EPHA5: variants seen among roughly 807,000 people sequenced by gnomAD.
EPHA5 encodes EPH receptor A5, also known as ephrin type-A receptor 5.
In EPHA5, 60 loss-of-function variants were observed where a neutral mutation model predicts 105.0. The observed-to-expected ratio is 0.57, with a 90% CI of 0.46 to 0.71. The LOEUF (loss-of-function observed/expected upper bound fraction) is 0.71. EPHA5 is among the 30% of genes least tolerant of loss of function. EPHA5 has a pLI of 0.00. For synonymous variants in EPHA5, 513 were observed against 449.1 expected, an observed-to-expected ratio of 1.14 and a Z score of -1.80; for missense variants, 1,218 against 1,274.7, an observed-to-expected ratio of 0.96 and a Z score of 0.68.
chr4:65,539,061 C>G (rs923391702), intron 3 of EPHA5, among the ~76,000 whole-genome samples: 1 of 151,642 alleles, frequency 6.6e-6, no homozygotes, highest in Non-Finnish European at 1.5e-5. Flanking sequence ...AGAGAGCAGC[C>G]TGCACCCTAT....
At chr4:65,503,235 T>G (rs1732669242) in intron 3 of EPHA5, among the ~76,000 whole-genome samples, 1 of 151,822 alleles carries the variant, frequency 6.6e-6, no homozygotes, top group Non-Finnish European at 1.5e-5. Context: ...TATATCCGTG[T>G]ACCAACAAAC....
chr4:65,476,796 T>G (rs1729864616), intron 5 of EPHA5, among the ~76,000 whole-genome samples: 1 of 152,114 alleles, frequency 6.6e-6, no homozygotes, highest in African/African-American at 2.4e-5. Flanking sequence ...CAGGTAACCT[T>G]AAGCTATAAT....
intron 2 of EPHA5, among the ~76,000 whole-genome samples, chr4:65,608,470 C>A (rs569033317): frequency 6.6e-6 from 1 of 151,734 alleles, no homozygotes; most frequent in Non-Finnish European, 1.5e-5. Flanking sequence ...CGCCACTGCA[C>A]CCCAGCTTGG....
chr4:65,500,495 A>T (rs1171458697), intron 3 of EPHA5, among the ~76,000 whole-genome samples: 1 of 151,178 alleles, frequency 6.6e-6, no homozygotes. Context: ...ACCTATTTAG[A>T]AATTTGCTGT....
At chr4:65,393,882 A>G (rs1328398058) in intron 8 of EPHA5, among the ~76,000 whole-genome samples, 2 of 152,052 alleles carry the variant, frequency 1.3e-5, no homozygotes, top group African/African-American at 4.8e-5. Context: ...CTCCAGCTGC[A>G]CTCCTCCAGT....
At chr4:65,565,202 G>A (rs757014755) in intron 3 of EPHA5, among the ~76,000 whole-genome samples, 13 of 151,596 alleles carry the variant, frequency 8.6e-5, no homozygotes, top group Non-Finnish European at 1.9e-4. Flanking sequence ...CAGGAAATAA[G>A]ATTCAAGGCC....
intron 3 of EPHA5, among the ~76,000 whole-genome samples, chr4:65,601,373 T>C (rs1743708615): frequency 1.3e-5 from 2 of 152,176 alleles, no homozygotes; most frequent in Admixed American, 1.3e-4. Context: ...AAATAAAATT[T>C]CTAAAAGCAA....
chr4:65,634,884 G>T (rs191370278), intron 2 of EPHA5, among the ~76,000 whole-genome samples: 13 of 151,990 alleles, frequency 8.6e-5, no homozygotes, highest in African/African-American at 2.7e-4. Context: ...AACTCACTGT[G>T]ATCCTCAACA....
chr4:65,368,435 C>G (rs1045063707), intron 8 of EPHA5, among the ~76,000 whole-genome samples: 4 of 152,100 alleles, frequency 2.6e-5, no homozygotes, highest in African/African-American at 7.2e-5. Flanking sequence ...GTTAATAACT[C>G]CAGTATGGCC....
intron 16 of EPHA5, among the ~76,000 whole-genome samples, chr4:65,325,469 C>CA (rs140418969): frequency 0.085 from 12,461 of 146,860 alleles, 584 homozygotes; most frequent in Middle Eastern, 0.14. Flanking sequence ...GCTACCCCCC[C>CA]AAAAAAATGC....
At chr4:65,523,848 T>C (rs1183986154) in intron 3 of EPHA5, among the ~76,000 whole-genome samples, 4 of 151,872 alleles carry the variant, frequency 2.6e-5, no homozygotes, top group African/African-American at 9.7e-5. Context: ...GATTTCTTCT[T>C]CCAACTTAGA....
chr4:65,413,820 C>G (rs975678129), intron 7 of EPHA5, among the ~76,000 whole-genome samples: 1 of 152,086 alleles, frequency 6.6e-6, no homozygotes, highest in African/African-American at 2.4e-5. Context: ...CACTTAAAGA[C>G]AGTGCCAGAG....
intron 3 of EPHA5, among the ~76,000 whole-genome samples, chr4:65,589,846 G>A (rs991232017): frequency 2.0e-5 from 3 of 152,026 alleles, no homozygotes; most frequent in African/African-American, 7.2e-5. Flanking sequence ...GAAGGCTAAG[G>A]GAAACATGGA....
intron 3 of EPHA5, among the ~76,000 whole-genome samples, chr4:65,546,739 G>A (rs998389638): frequency 1.3e-5 from 2 of 151,896 alleles, no homozygotes; most frequent in African/African-American, 2.4e-5. Context: ...CAATGTCTGC[G>A]AACTTCAAGA....
At chr4:65,348,761 G>C (rs1182025459) in intron 13 of EPHA5, among the ~76,000 whole-genome samples, 1 of 119,912 alleles carries the variant, frequency 8.3e-6, no homozygotes, top group Non-Finnish European at 1.7e-5. Flanking sequence ...ATATATATGT[G>C]TATATATATG....
chr4:65,357,956 C>G (rs1256935255), intron 11 of EPHA5, among the ~76,000 whole-genome samples: 1 of 151,344 alleles, frequency 6.6e-6, no homozygotes, highest in Non-Finnish European at 1.5e-5. Flanking sequence ...CAATCCTTTG[C>G]CATAAGACAT....
At chr4:65,602,494 TA>T (rs1743836576) in intron 2 of EPHA5, among the ~76,000 whole-genome samples, 190 bp from the exon 3 acceptor site, 1 of 152,138 alleles carries the variant, frequency 6.6e-6, no homozygotes, top group South Asian at 2.1e-4. Flanking sequence ...TTGTAATTTT[TA>T]AATTAAAAGT....
chr4:65,519,270 C>T (rs1182135813), intron 3 of EPHA5, among the ~76,000 whole-genome samples: 1 of 152,038 alleles, frequency 6.6e-6, no homozygotes, highest in Non-Finnish European at 1.5e-5. Context: ...GAACCAAAGA[C>T]AAAAACCACA....
intron 5 of EPHA5, among the ~76,000 whole-genome samples, chr4:65,431,087 C>T (rs79362375): frequency 6.6e-6 from 1 of 152,112 alleles, no homozygotes; most frequent in Admixed American, 6.5e-5. Context: ...ACTCCTATAC[C>T]GATGCAACTT....
Sources: allele counts gnomAD v4.1 joint callset (sites outside exome capture counted in the v4.1 genomes callset), GRCh38; gene constraint gnomAD v4.1.1; transcripts MANE v1.5; gene names NCBI Gene and HGNC (gene_info 2026-07-23, HGNC 2026-07-21).